TBC1D22A: variants seen among roughly 807,000 people sequenced by gnomAD.
TBC1D22A encodes the protein TBC1 domain family member 22A, also known as putative GTPase activator.
In TBC1D22A, 38 loss-of-function variants were observed where a neutral mutation model predicts 60.2. The ratio of observed to expected loss-of-function variants is 0.63; its 90% CI spans 0.49 to 0.83. The LOEUF (loss-of-function observed/expected upper bound fraction) is 0.83, where lower values mean the gene tolerates loss of function less well. Among genes scored for constraint, TBC1D22A ranks in the 40% least tolerant of loss-of-function variants. The pLI, the probability that TBC1D22A is intolerant of heterozygous loss-of-function variation, is 0.00. For synonymous variants in TBC1D22A, 302 were observed against 281.7 expected, an observed-to-expected ratio of 1.07 and a Z score of -0.72; for missense variants, 628 against 701.0, an observed-to-expected ratio of 0.90 and a Z score of 1.18.
At chr22:47,154,589 G>T (rs1256647571) in intron 12 of TBC1D22A, among the ~76,000 whole-genome samples, 1 of 152,176 alleles carries the variant, frequency 6.6e-6, no homozygotes, top group Non-Finnish European at 1.5e-5. Flanking sequence ...GGAAGCTGGG[G>T]GACCCCAGCA....
At chr22:46,954,725 A>G (rs2073100119) in intron 8 of TBC1D22A, among the ~76,000 whole-genome samples, 1 of 152,242 alleles carries the variant, frequency 6.6e-6, no homozygotes, top group Admixed American at 6.5e-5. Context: ...TCATCTACCC[A>G]TTAGGGATCT....
chr22:47,055,314 G>A (rs1198086626), intron 11 of TBC1D22A, among the ~76,000 whole-genome samples: 3 of 152,206 alleles, frequency 2.0e-5, no homozygotes, highest in East Asian at 3.9e-4. Flanking sequence ...GCTGATGCTC[G>A]GGTTGGAGCA....
Position 47,088,230 on chromosome 22 carries a change from C to T in TBC1D22A, c.1330-23278C>T, listed in dbSNP as rs759397333. On this transcript the variant is annotated intron_variant, in intron 11 of 12. Coordinates refer to ENST00000337137, the MANE Select transcript of TBC1D22A (RefSeq NM_014346.5). ...AACCCCAGTGGAAATGAGCACCCTG[C>T]GGAGTCCTTAAGCCGTTTCCCATGA... is the stretch of plus-strand genomic sequence containing the variant. Among the ~76,000 whole-genome samples the T allele has an allele frequency of 2.2e-4, 34 of 152,218 alleles. 1 individual carries two copies. The highest frequency in any genetic ancestry group is 1.0e-3 in the Admixed American group (16 of 15,286).
chr22:47,124,738 G>A (rs1057271313), intron 12 of TBC1D22A, among the ~76,000 whole-genome samples: 3 of 152,226 alleles, frequency 2.0e-5, no homozygotes, highest in Admixed American at 6.5e-5. Flanking sequence ...CTGGAGGAGC[G>A]TTGGGCCTTC....
At chr22:47,077,859 T>C (rs1366787181) in intron 11 of TBC1D22A, among the ~76,000 whole-genome samples, 1 of 152,236 alleles carries the variant, frequency 6.6e-6, no homozygotes, top group Non-Finnish European at 1.5e-5. Flanking sequence ...GGAATGCCTG[T>C]GCGCCATGAT....
intron 4 of TBC1D22A, among the ~76,000 whole-genome samples, chr22:46,846,200 A>G (rs954239550): frequency 2.6e-5 from 4 of 152,218 alleles, no homozygotes; most frequent in African/African-American, 9.6e-5. Context: ...AACAGCACAC[A>G]TATACCATGA....
At chr22:47,170,168 T>G (rs2068376441) in intron 12 of TBC1D22A, among the ~76,000 whole-genome samples, 1 of 152,188 alleles carries the variant, frequency 6.6e-6, no homozygotes, top group South Asian at 2.1e-4. Context: ...CCAGATAGAT[T>G]TTTCCTTCTT....
chr22:46,880,046 G>A (rs1003107325), intron 5 of TBC1D22A, among the ~76,000 whole-genome samples: 1 of 152,220 alleles, frequency 6.6e-6, no homozygotes, highest in Non-Finnish European at 1.5e-5. Context: ...CGAGGCAAGT[G>A]AGAGTGTGAA....
chr22:46,776,759 G>A (rs555862891), intron 1 of TBC1D22A, among the ~76,000 whole-genome samples: 1 of 152,134 alleles, frequency 6.6e-6, no homozygotes, highest in Admixed American at 6.6e-5. Flanking sequence ...TATTCAAAAC[G>A]GACCCTGTGC....
intron 10 of TBC1D22A, among the ~76,000 whole-genome samples, chr22:47,015,806 G>A (rs2061891601): frequency 6.6e-6 from 1 of 152,182 alleles, no homozygotes. Flanking sequence ...GGCGTCTGGA[G>A]CATTTCGGGG....
At chr22:47,059,613 G>A (rs958637838) in intron 11 of TBC1D22A, among the ~76,000 whole-genome samples, 2 of 152,126 alleles carry the variant, frequency 1.3e-5, no homozygotes, top group African/African-American at 2.4e-5. Flanking sequence ...AAGAATTACC[G>A]ATCTCCTGAA....
chr22:46,814,854 A>G (rs1337710339), intron 4 of TBC1D22A, among the ~76,000 whole-genome samples: 3 of 148,586 alleles, frequency 2.0e-5, no homozygotes, highest in East Asian at 4.0e-4. Flanking sequence ...GGGTTTCACC[A>G]TGTTGGTCAT....
intron 11 of TBC1D22A, among the ~76,000 whole-genome samples, chr22:47,058,869 C>T (rs1251809919): frequency 2.0e-5 from 3 of 152,178 alleles, no homozygotes; most frequent in African/African-American, 7.2e-5. Flanking sequence ...ATGGGGCCCG[C>T]TGGACCCAGG....
intron 8 of TBC1D22A, among the ~76,000 whole-genome samples, chr22:46,941,706 C>A (rs1363693983): frequency 1.5e-5 from 1 of 65,098 alleles, no homozygotes; most frequent in African/African-American, 9.0e-5. Context: ...ATTATATATG[C>A]GGAATATATA....
chr22:47,099,675 C>A (rs2065331570), intron 11 of TBC1D22A, among the ~76,000 whole-genome samples: 1 of 151,902 alleles, frequency 6.6e-6, no homozygotes, highest in Non-Finnish European at 1.5e-5. Flanking sequence ...GAACTCCTGA[C>A]CTCAGGTGGT....
rs182640453 is a variant in TBC1D22A at position 47,153,732 on chromosome 22, G to A, written c.1426-19766G>A. The stretch of plus-strand genomic sequence containing the variant: ...TGACAGATTGCAATGGCTGGGGGAG[G>A]GGGCACAGGGCAAGGTCAGAGAAGA... On this transcript the variant is annotated intron_variant, in intron 12 of 12. Coordinates refer to ENST00000337137, the MANE Select transcript of TBC1D22A (RefSeq NM_014346.5). Among the ~76,000 whole-genome samples the A allele has an allele frequency of 2.5e-3, 382 of 152,294 alleles. 1 individual carries two copies. The highest frequency in any genetic ancestry group is 8.7e-3 in the African/African-American group (361 of 41,558).
intron 8 of TBC1D22A, among the ~76,000 whole-genome samples, chr22:46,947,398 A>C (rs956592388): frequency 2.6e-5 from 4 of 152,164 alleles, no homozygotes; most frequent in African/African-American, 7.2e-5. Flanking sequence ...TCAGTGACTT[A>C]GCGCTGCGCA....
At chr22:46,972,566 G>A (rs1264314757) in intron 8 of TBC1D22A, among the ~76,000 whole-genome samples, 1 of 152,200 alleles carries the variant, frequency 6.6e-6, no homozygotes, top group Non-Finnish European at 1.5e-5. Flanking sequence ...CCTGATTCCA[G>A]CAGTGTGAAA....
At chr22:46,947,463 C>T (rs183915265) in intron 8 of TBC1D22A, among the ~76,000 whole-genome samples, 148 of 152,316 alleles carry the variant, frequency 9.7e-4, no homozygotes, top group Non-Finnish European at 1.8e-3. Flanking sequence ...CGTCATCTAA[C>T]AGGTGGGGCA....
Sources: gnomAD v4.1 joint callset for allele counts (sites outside exome capture counted in the v4.1 genomes callset) on GRCh38, gnomAD v4.1.1 for gene constraint, MANE v1.5 for transcripts, NCBI Gene and HGNC (gene_info 2026-07-23, HGNC 2026-07-21) for gene names.